LRRTM4: variants seen among roughly 807,000 people sequenced by gnomAD.
LRRTM4 encodes leucine rich repeat transmembrane neuronal 4.
Under a neutral mutation model 47.6 loss-of-function variants are expected in LRRTM4, and 25 were observed. That is an observed-to-expected ratio of 0.53 (90% CI 0.38 to 0.73). The LOEUF is 0.73. LRRTM4 is among the 30% of genes least tolerant of loss of function. The pLI is 0.00. For synonymous variants in LRRTM4, 311 were observed against 269.5 expected (o/e 1.15, Z -1.51); for missense variants, 638 against 713.4 (o/e 0.89, Z 1.20).
At chr2:77,395,216 T>A (rs1353705709) in intron 3 of LRRTM4, among the ~76,000 whole-genome samples, 2 of 151,962 alleles carry the variant, frequency 1.3e-5, no homozygotes, top group Non-Finnish European at 2.9e-5. Flanking sequence ...GAGGCGTATC[T>A]GACCTCTCAT....
chr2:77,252,688 T>C (rs1675653408), intron 3 of LRRTM4, among the ~76,000 whole-genome samples: 1 of 151,988 alleles, frequency 6.6e-6, no homozygotes, highest in Non-Finnish European at 1.5e-5. Context: ...AGCATCACTG[T>C]CTCTAAAAGA....
chr2:76,972,513 G>A lies in LRRTM4; in HGVS notation c.1552-223597C>T, dbSNP rs562042378. 1.0e-4 allele frequency among the ~76,000 whole-genome samples: 15 copies of A among 146,970 alleles called. 1 individual carries two copies. The highest frequency in any genetic ancestry group is 9.1e-4 in the Admixed American group (13 of 14,276). On this transcript the variant is annotated intron_variant, in intron 3 of 3. Transcript: ENST00000409884. ...GCTCACTGCAACCTCTGCCTCCTGA[G>A]TTCAAGCGATTCTTCTGCCTAAGCC...
intron 3 of LRRTM4, among the ~76,000 whole-genome samples, chr2:77,022,912 T>C (rs772776239): frequency 6.6e-6 from 1 of 152,188 alleles, no homozygotes; most frequent in Non-Finnish European, 1.5e-5. Context: ...ACAGCTCCAC[T>C]AGGCAGTCCC....
chr2:76,758,464 A>G (rs1188147407), intron 3 of LRRTM4, among the ~76,000 whole-genome samples: 2 of 152,166 alleles, frequency 1.3e-5, no homozygotes, highest in Non-Finnish European at 2.9e-5. Context: ...AGTCTAATAG[A>G]GTACAAATGT....
chr2:76,921,105 T>C (rs1285688378), intron 3 of LRRTM4, among the ~76,000 whole-genome samples: 1 of 152,110 alleles, frequency 6.6e-6, no homozygotes, highest in African/African-American at 2.4e-5. Flanking sequence ...GTCCTGTTTC[T>C]TTCTGCGGAT....
rs138192949 is a variant in LRRTM4, at chr2:76,748,794, G to A, written c.1674C>T (p.Asp558=). ...KGYETVSPEQ[D]ESPGLELGRD... ...GGCCCAGCTCCAGGCCGGGGCTTTC[G>A]TCCTGCTCTGGAGACACTGTCTCAT... The change falls in exon 4 of 4, where the codon GAC becomes GAT. Residue 558 remains aspartate, a synonymous_variant. Coordinates refer to ENST00000409884, the MANE Select transcript of LRRTM4 (RefSeq NM_001134745.3). 5.6e-6 allele frequency: 9 copies of A among 1,614,020 alleles called. No homozygotes were observed. In the African/African-American group the frequency reaches 9.3e-5, roughly 17 times the overall value.
intron 3 of LRRTM4, among the ~76,000 whole-genome samples, chr2:77,085,435 C>T (rs1680679732): frequency 6.7e-6 from 1 of 149,724 alleles, no homozygotes; most frequent in African/African-American, 2.5e-5. Flanking sequence ...GAATCTGATG[C>T]TATCTCTTTC....
At chr2:77,087,730 A>C (rs1279729117) in intron 3 of LRRTM4, among the ~76,000 whole-genome samples, 1 of 152,250 alleles carries the variant, frequency 6.6e-6, no homozygotes, top group Non-Finnish European at 1.5e-5. Context: ...GATATAATTG[A>C]AAATGATACA....
intron 3 of LRRTM4, among the ~76,000 whole-genome samples, chr2:77,514,362 G>A (rs918594048): frequency 4.6e-5 from 7 of 151,810 alleles, no homozygotes; most frequent in Non-Finnish European, 7.4e-5. Flanking sequence ...GTGAAAAGAA[G>A]TTAAGTGGTC....
chr2:77,066,489 A>C (rs1284433747), intron 3 of LRRTM4, among the ~76,000 whole-genome samples: 1 of 152,202 alleles, frequency 6.6e-6, no homozygotes, highest in African/African-American at 2.4e-5. Context: ...TTTGGCAAAG[A>C]GCCACTAAGA....
chr2:76,803,163 A>C (rs1675794383), intron 3 of LRRTM4, among the ~76,000 whole-genome samples: 1 of 152,146 alleles, frequency 6.6e-6, no homozygotes, highest in Admixed American at 6.6e-5. Context: ...GTGAAGGGAC[A>C]ATCTCCAGGA....
chr2:77,376,263 C>T (rs1047160438), intron 3 of LRRTM4, among the ~76,000 whole-genome samples: 3 of 151,578 alleles, frequency 2.0e-5, no homozygotes, highest in Admixed American at 6.6e-5. Context: ...TTGTTGAAAA[C>T]GTCATACCAA....
chr2:77,049,834 CTT>C (rs946813913), intron 3 of LRRTM4, among the ~76,000 whole-genome samples: 3 of 151,820 alleles, frequency 2.0e-5, no homozygotes, highest in African/African-American at 7.3e-5. Context: ...GTTGCCTGTG[CTT>C]TTTGAGATCT....
intron 3 of LRRTM4, among the ~76,000 whole-genome samples, chr2:76,769,726 G>A (rs756949887): frequency 6.6e-6 from 1 of 151,798 alleles, no homozygotes; most frequent in East Asian, 1.9e-4. Flanking sequence ...CAGATGACTC[G>A]TATTTATATT....
At chr2:77,313,918 T>A (rs1677545239) in intron 3 of LRRTM4, among the ~76,000 whole-genome samples, 1 of 152,212 alleles carries the variant, frequency 6.6e-6, no homozygotes, top group Admixed American at 6.5e-5. Context: ...AAATCTGTTT[T>A]TTAAATTTTT....
chr2:77,207,819 G>A (rs1674181294), intron 3 of LRRTM4, among the ~76,000 whole-genome samples: 2 of 129,944 alleles, frequency 1.5e-5, no homozygotes, highest in East Asian at 5.0e-4. Flanking sequence ...TGTATACTCT[G>A]TTCCATACCA....
chr2:77,078,840 A>G (rs553562703), intron 3 of LRRTM4, among the ~76,000 whole-genome samples: 1 of 152,304 alleles, frequency 6.6e-6, no homozygotes, highest in South Asian at 2.1e-4. Flanking sequence ...CTGATTAACA[A>G]TATAAATGTA....
At chr2:77,413,704 C>T (rs1352535023) in intron 3 of LRRTM4, among the ~76,000 whole-genome samples, 1 of 152,064 alleles carries the variant, frequency 6.6e-6, no homozygotes, top group Non-Finnish European at 1.5e-5. Context: ...AAGAGCTCCT[C>T]TTCTCTCCTC....
At chr2:77,277,098 C>A (rs1476308384) in intron 3 of LRRTM4, among the ~76,000 whole-genome samples, 4 of 151,854 alleles carry the variant, frequency 2.6e-5, no homozygotes, top group African/African-American at 2.4e-5. Context: ...GCAGAGGGAA[C>A]AACTCAATGT....
Sources: allele counts gnomAD v4.1 joint callset (sites outside exome capture counted in the v4.1 genomes callset), GRCh38; gene constraint gnomAD v4.1.1; transcripts MANE v1.5; gene names NCBI Gene and HGNC (gene_info 2026-07-23, HGNC 2026-07-21).